Variants in CAMK1D observed in about 807,000 individuals in gnomAD.
CAMK1D encodes the protein calcium/calmodulin-dependent protein kinase type 1D.
In CAMK1D, 9 loss-of-function variants were observed where a neutral mutation model predicts 47.7. That is an observed-to-expected ratio of 0.19 (90% CI 0.11 to 0.33). The LOEUF is 0.33. CAMK1D is among the 10% of genes least tolerant of loss of function. The pLI is 1.00. For synonymous variants in CAMK1D, 184 were observed against 184.9 expected (o/e 0.99, Z 0.04); for missense variants, 291 against 488.7 (o/e 0.60, Z 3.81).
At chr10:12,583,911 T>G (rs1837738831) in intron 2 of CAMK1D, among the ~76,000 whole-genome samples, 1 of 152,130 alleles carries the variant, frequency 6.6e-6, no homozygotes. Flanking sequence ...TTTTAATCTT[T>G]TTGAGGCCTG....
intron 1 of CAMK1D, among the ~76,000 whole-genome samples, chr10:12,427,723 T>TTTTTTTTTTTTTTTTTTTTA: frequency 7.3e-6 from 1 of 136,384 alleles, no homozygotes; most frequent in East Asian, 2.2e-4. Flanking sequence ...TTTTTTTTTT[T>TTTTTTTTTTTTTTTTTTTTA]TTGAGACGGA....
At chr10:12,692,168 C>T (rs1832955640) in intron 3 of CAMK1D, among the ~76,000 whole-genome samples, 1 of 152,160 alleles carries the variant, frequency 6.6e-6, no homozygotes, top group Non-Finnish European at 1.5e-5. Flanking sequence ...ACACAGCAGG[C>T]ATTGGATGGC....
chr10:12,492,932 C>A (rs1341492114), intron 1 of CAMK1D, among the ~76,000 whole-genome samples: 1 of 152,204 alleles, frequency 6.6e-6, no homozygotes, highest in East Asian at 1.9e-4. Flanking sequence ...GTCCCACTCC[C>A]TCTGTCTCTG....
intron 3 of CAMK1D, among the ~76,000 whole-genome samples, chr10:12,746,830 G>T (rs1002305891): frequency 6.6e-6 from 1 of 152,118 alleles, no homozygotes; most frequent in Non-Finnish European, 1.5e-5. Context: ...TAACTAAAAG[G>T]CGTCTGAGGT....
At chr10:12,640,424 C>G (rs1243581158) in intron 2 of CAMK1D, among the ~76,000 whole-genome samples, 1 of 152,236 alleles carries the variant, frequency 6.6e-6, no homozygotes, top group Non-Finnish European at 1.5e-5. Flanking sequence ...CACAGGTAGG[C>G]CCTTGATAAG....
At chr10:12,656,218 A>G (rs1216258787) in intron 2 of CAMK1D, among the ~76,000 whole-genome samples, 1 of 152,164 alleles carries the variant, frequency 6.6e-6, no homozygotes, top group East Asian at 1.9e-4. Flanking sequence ...TATGAGTGCT[A>G]GCTATGCCCC....
At chr10:12,827,877 C>G (rs1564594790) in intron 10 of CAMK1D, among the ~76,000 whole-genome samples, 1 of 152,018 alleles carries the variant, frequency 6.6e-6, no homozygotes, top group Non-Finnish European at 1.5e-5. Flanking sequence ...TTTGTAGACC[C>G]AGGGTTGCCC....
chr10:12,412,661 C>G (rs1436686806), intron 1 of CAMK1D, among the ~76,000 whole-genome samples: 1 of 139,764 alleles, frequency 7.2e-6, no homozygotes, highest in African/African-American at 2.7e-5. Context: ...TGTCACTGCA[C>G]TCCAGCCTGG....
chr10:12,641,802 T>A (rs866358280), intron 2 of CAMK1D, among the ~76,000 whole-genome samples: 5 of 151,986 alleles, frequency 3.3e-5, no homozygotes, highest in Admixed American at 6.5e-5. Context: ...CCCAAAACTT[T>A]GGGAGGCCAA....
At position 12,676,278 on chromosome 10, in the gene CAMK1D, A is replaced by G. The variant is rs111476257; in HGVS notation, c.299+9468A>G. Among the ~76,000 whole-genome samples the G allele has an allele frequency of 1.4e-3, 214 of 152,282 alleles. 1 individual carries two copies. Among genetic ancestry groups the G allele is most frequent in the African/African-American group, 4.8e-3 (201 of 41,554 alleles). On this transcript the variant is annotated intron_variant, in intron 3 of 10. Coordinates refer to ENST00000619168, the MANE Select transcript of CAMK1D (RefSeq NM_153498.4). Reference sequence around the variant, plus strand: ...CAGAATCACTTATCTTAATGCTATCATGGAATAACGGAAATATGAGAATTT... The same window carrying G: ...CAGAATCACTTATCTTAATGCTATCGTGGAATAACGGAAATATGAGAATTT...
At chr10:12,392,715 A>G (rs1386577569) in intron 1 of CAMK1D, among the ~76,000 whole-genome samples, 1 of 152,206 alleles carries the variant, frequency 6.6e-6, no homozygotes, top group Non-Finnish European at 1.5e-5. Context: ...GTTATTGAGC[A>G]TAGTCACTAT....
intron 2 of CAMK1D, among the ~76,000 whole-genome samples, chr10:12,584,769 A>G (rs1837766724): frequency 6.6e-6 from 1 of 152,152 alleles, no homozygotes; most frequent in South Asian, 2.1e-4. Flanking sequence ...GCAGTGAGCA[A>G]TGATCATGCT....
In CAMK1D at chr10:12,631,557, C is replaced by T. The variant is rs553287790; in HGVS notation, c.225-35179C>T. 7.9e-5 allele frequency among the ~76,000 whole-genome samples: 12 copies of T among 152,314 alleles called. No individual in the cohort carries two copies. In the East Asian group the frequency reaches 2.1e-3, roughly 27 times the overall value. ...AAACTGGACACAGCAGTAGGGTAGA[C>T]GTGTCAGGTTATAAATAACTCTGTC... On this transcript the variant is annotated intron_variant, in intron 2 of 10. Transcript: ENST00000619168.
chr10:12,451,771 T>TTGTGTG (rs75335236), intron 1 of CAMK1D, among the ~76,000 whole-genome samples: 30 of 150,502 alleles, frequency 2.0e-4, no homozygotes, highest in African/African-American at 7.1e-4. Context: ...GGTTATGTGT[T>TTGTGTG]TGTGTGTGTG....
chr10:12,715,064 C>T (rs575885905), intron 3 of CAMK1D, among the ~76,000 whole-genome samples: 1 of 152,258 alleles, frequency 6.6e-6, no homozygotes, highest in Non-Finnish European at 1.5e-5. Context: ...TTCTATCGAA[C>T]TGTATGTCTG....
intron 2 of CAMK1D, among the ~76,000 whole-genome samples, chr10:12,591,135 C>T (rs77099564): frequency 0.013 from 2,044 of 152,238 alleles, 63 homozygotes; most frequent in African/African-American, 0.047. Context: ...CTGTTCTCCC[C>T]GTGTTAGACA....
intron 1 of CAMK1D, among the ~76,000 whole-genome samples, chr10:12,506,974 T>G (rs992298086): frequency 6.6e-6 from 1 of 152,218 alleles, no homozygotes; most frequent in Admixed American, 6.5e-5. Context: ...CTCTTAATAT[T>G]TCCCATATAA....
chr10:12,418,889 G>A (rs1347065166), intron 1 of CAMK1D, among the ~76,000 whole-genome samples: 2 of 152,214 alleles, frequency 1.3e-5, no homozygotes, highest in East Asian at 1.9e-4. Flanking sequence ...GTCCTGCAGA[G>A]TGGCCATAGA....
chr10:12,744,642 G>A (rs1835581194), intron 3 of CAMK1D, among the ~76,000 whole-genome samples: 1 of 152,056 alleles, frequency 6.6e-6, no homozygotes, highest in African/African-American at 2.4e-5. Context: ...CTGTATCCCA[G>A]CACTTTGGGA....
Sources: allele counts gnomAD v4.1 joint callset (sites outside exome capture counted in the v4.1 genomes callset), GRCh38; gene constraint gnomAD v4.1.1; transcripts MANE v1.5; gene names NCBI Gene and HGNC (gene_info 2026-07-23, HGNC 2026-07-21).